The following DNAAF2 variants were observed in gnomAD, a reference collection of about 807,000 sequenced individuals.
DNAAF2 encodes the protein protein kintoun.
Under a neutral mutation model 48.8 loss-of-function variants are expected in DNAAF2, and 58 were observed. The observed-to-expected ratio is 1.19, with a 90% CI of 0.96 to 1.48. The LOEUF is 1.48. Ranked by LOEUF, DNAAF2 falls within the 40% of genes most tolerant of loss-of-function variation. The pLI is 0.00. For synonymous variants in DNAAF2, 567 were observed against 481.2 expected (o/e 1.18, Z -2.33); for missense variants, 1,241 against 1,116.1 (o/e 1.11, Z -1.59).
At chr14:49,628,984 A>G (rs7151318) in intron 1 of DNAAF2, among the ~76,000 whole-genome samples, 27,942 of 152,048 alleles carry the variant, frequency 0.18, 2,906 homozygotes, top group Admixed American at 0.29. Flanking sequence ...TGTTTTTGAG[A>G]CAGAGTCTTG....
In DNAAF2 at chr14:49,634,943, G is replaced by C. The variant is rs1436177707; in HGVS notation, c.207C>G (p.Phe69Leu). 6.4e-7 allele frequency: 1 copy of C among 1,556,742 alleles called. No homozygotes were observed. The highest frequency in any genetic ancestry group is 8.7e-7 in the Non-Finnish European group (1 of 1,150,274). The change falls in exon 1 of 3, where the codon TTC becomes TTG. Residue 69 changes from phenylalanine (F) to leucine (L), a missense_variant. Phe to Leu is a conservative substitution (Grantham distance 22). Transcript: ENST00000298292. ...LERERGVEVRFVHPEPGHVLR... is the reference protein window; with the variant it reads ...LERERGVEVRLVHPEPGHVLR... ...GCACATGGCCGGGCTCCGGGTGCAC[G>C]AACCGCACTTCCACCCCGCGCTCAC...
intron 1 of DNAAF2, among the ~76,000 whole-genome samples, chr14:49,630,950 C>A (rs953914401): frequency 2.0e-5 from 3 of 152,102 alleles, no homozygotes; most frequent in Non-Finnish European, 4.4e-5. Flanking sequence ...AGGGTTTCAC[C>A]TTGTTGGCCA....
chr14:49,630,234 CAAATAAAT>C (rs55681110), intron 1 of DNAAF2, among the ~76,000 whole-genome samples: 10 of 147,060 alleles, frequency 6.8e-5, no homozygotes, highest in East Asian at 2.0e-4. Flanking sequence ...CTCTGTCTCC[CAAATAAAT>C]AAATAAATAA....
intron 1 of DNAAF2, among the ~76,000 whole-genome samples, chr14:49,630,669 C>CCA (rs71441237): frequency 0.072 from 9,539 of 132,486 alleles, 602 homozygotes; most frequent in African/African-American, 0.18. Context: ...AACTCTCTCT[C>CCA]CACACACACA....
At chr14:49,630,186 G>A (rs888607763) in intron 1 of DNAAF2, among the ~76,000 whole-genome samples, 3 of 151,798 alleles carry the variant, frequency 2.0e-5, no homozygotes, top group Admixed American at 6.6e-5. Flanking sequence ...AGCCATGATC[G>A]CACCACTGCA....
At position 49,634,132 on chromosome 14, in the gene DNAAF2, GC is replaced by G; in HGVS notation, c.1017del (p.Arg340GlyfsTer101). The G allele has an allele frequency of 6.4e-7, 1 of 1,566,376 alleles. No individual in the cohort carries two copies. Among genetic ancestry groups the G allele is most frequent in the Non-Finnish European group, 8.6e-7 (1 of 1,156,862 alleles). On this transcript the variant is annotated frameshift_variant, in exon 1 of 3. Transcript: ENST00000298292. LOFTEE classifies it high-confidence loss of function. ...ACTGGCAGCGTAACCACCAGCTGCC[GC>G]CGGGCCTTGTTGAATTGTGCCTTGC... ...GRGKAQFNKA[R>X]RQLVVTLPVV...
chr14:49,628,252 G>T, intron 1 of DNAAF2, 97 bp from the exon 2 acceptor site: 2 of 1,028,580 alleles, frequency 1.9e-6, no homozygotes, highest in Non-Finnish European at 2.8e-6. Context: ...ATTGTTCAGG[G>T]TTACACTTTT....
Position 49,635,016 on chromosome 14 carries a change from T to A in DNAAF2, c.134A>T (p.Asp45Val). Residue 45 changes from aspartate to valine, a missense_variant, in exon 1 of 3, where the codon GAC becomes GTC. Transcript: ENST00000298292. Reference sequence around the variant, plus strand: ...CTCGTAGCGCCGCCGGTTCTCCGGGTCGGTGAGCTCCTCGGCGTACTGGGA... The same window carrying A: ...CTCGTAGCGCCGCCGGTTCTCCGGGACGGTGAGCTCCTCGGCGTACTGGGA... ...MFSQYAEELT[D>V]PENRRRYEAE... 6.4e-7 allele frequency: 1 copy of A among 1,570,754 alleles called. No individual in the cohort carries two copies. Among genetic ancestry groups the A allele is most frequent in the Non-Finnish European group, 8.6e-7 (1 of 1,158,554 alleles).
At chr14:49,631,001 A>G (rs1353679991) in intron 1 of DNAAF2, among the ~76,000 whole-genome samples, 2 of 152,080 alleles carry the variant, frequency 1.3e-5, no homozygotes, top group South Asian at 2.1e-4. Context: ...TGCCTGCTTC[A>G]GTCTCCCAAA....
At position 49,634,168 on chromosome 14, in the gene DNAAF2, C is replaced by T. The variant is rs201566715; in HGVS notation, c.982G>A (p.Asp328Asn). 156 of 1,605,066 alleles carry T rather than the reference C, an allele frequency of 9.7e-5. No individual in the cohort carries two copies. The African/African-American group carries it at 1.5e-3, about 16-fold the overall frequency. ...LRLSLPYPVD[D>N]GRGKAQFNKA... The stretch of plus-strand genomic sequence containing the variant: ...TTGAATTGTGCCTTGCCGCGGCCAT[C>T]GTCCACTGGGTACGGGAGCGAGAGC... The change falls in exon 1 of 3, where the codon GAT (aspartate) becomes AAT (asparagine). Residue 328 changes from aspartate to asparagine, a missense_variant. Coordinates refer to ENST00000298292, the MANE Select transcript of DNAAF2 (RefSeq NM_018139.3).
At chr14:49,626,354 G>A (rs1332578949) in intron 2 of DNAAF2, among the ~76,000 whole-genome samples, 1 of 152,020 alleles carries the variant, frequency 6.6e-6, no homozygotes, top group Non-Finnish European at 1.5e-5. Flanking sequence ...CGGGTGTGGT[G>A]GAGCACACCT....
In DNAAF2 at chr14:49,634,457, C is replaced by T. The variant is rs764901505; in HGVS notation, c.693G>A (p.Pro231=). The change falls in exon 1 of 3, where the codon CCG becomes CCA. Residue 231 remains proline, a synonymous_variant. Coordinates refer to ENST00000298292, the MANE Select transcript of DNAAF2 (RefSeq NM_018139.3). ...AGGGCGCCCGGGGCCCGGGGGCTGC[C>T]GGGTACTGGTAAGGGTAGGGGAAGT... ...LPDFPYPYQY[P]AAPGPRAPSP... is the part of the protein sequence containing the mutation. The T allele has an allele frequency of 1.2e-5, 18 of 1,562,564 alleles. No individual in the cohort carries two copies. Among genetic ancestry groups the T allele is most frequent in the Non-Finnish European group, 1.6e-5 (18 of 1,158,222 alleles).
chr14:49,626,861 A>G (rs527643145), intron 2 of DNAAF2, among the ~76,000 whole-genome samples: 97 of 128,214 alleles, frequency 7.6e-4, no homozygotes, highest in Middle Eastern at 6.0e-3. Flanking sequence ...GCTGGAGTGC[A>G]GTGGCGCAAT....
Position 49,634,199 on chromosome 14 carries a change from C to G in DNAAF2, c.951G>C (p.Arg317=), listed in dbSNP as rs1378655394. 6 of 1,611,830 alleles carry G rather than the reference C, an allele frequency of 3.7e-6. No homozygotes were observed. In the South Asian group the frequency reaches 6.6e-5, roughly 18 times the overall value. ...CTGGGTACGGGAGCGAGAGCCGCAG[C>G]CGGTAGTCAGGTTTCCTCGAGTCGA... is the stretch of plus-strand genomic sequence containing the variant. ...LCLDSRKPDY[R]LRLSLPYPVD... The change falls in exon 1 of 3, where the codon CGG becomes CGC. Residue 317 remains arginine (R), a synonymous_variant. Coordinates refer to ENST00000298292, the MANE Select transcript of DNAAF2 (RefSeq NM_018139.3).
At chr14:49,628,599 C>T (rs898184225) in intron 1 of DNAAF2, among the ~76,000 whole-genome samples, 1 of 152,046 alleles carries the variant, frequency 6.6e-6, no homozygotes, top group African/African-American at 2.4e-5. Context: ...GGATTACAGG[C>T]GACTGCCACC....
intron 1 of DNAAF2, among the ~76,000 whole-genome samples, chr14:49,630,756 CTT>C (rs1555327723): frequency 5.0e-5 from 7 of 138,862 alleles, no homozygotes; most frequent in Non-Finnish European, 9.5e-5. Flanking sequence ...CACACACACA[CTT>C]TTTTTTTTTT....
At chr14:49,633,195 C>T (rs1440903259) in intron 1 of DNAAF2, 92 bp downstream of exon 1, 9 of 1,464,328 alleles carry the variant, frequency 6.1e-6, no homozygotes, top group Non-Finnish European at 7.4e-6. Context: ...GCTGGGATTA[C>T]AGGCGTGAGC....
At chr14:49,628,238 TCA>T (rs1374459614) in intron 1 of DNAAF2, 83 bp from the exon 2 acceptor site, 2 of 1,138,850 alleles carry the variant, frequency 1.8e-6, no homozygotes, top group African/African-American at 3.1e-5. Flanking sequence ...ACAAAAATTC[TCA>T]CATTGTTCAG....
intron 2 of DNAAF2, among the ~76,000 whole-genome samples, chr14:49,627,529 A>T (rs1220183140): frequency 6.6e-6 from 1 of 152,208 alleles, no homozygotes; most frequent in African/African-American, 2.4e-5. Flanking sequence ...AATGAATAGC[A>T]AAGTGTTTAG....
Sources: gnomAD v4.1 joint callset for allele counts (sites outside exome capture counted in the v4.1 genomes callset) on GRCh38, gnomAD v4.1.1 for gene constraint, MANE v1.5 for transcripts, NCBI Gene and HGNC (gene_info 2026-07-23, HGNC 2026-07-21) for gene names.